The following GRIK4 variants were observed in gnomAD, a reference collection of about 807,000 sequenced individuals.
GRIK4 encodes glutamate ionotropic receptor kainate type subunit 4, also known as glutamate receptor ionotropic, kainate 4.
Under a neutral mutation model 104.9 loss-of-function variants are expected in GRIK4, and 40 were observed. That is an observed-to-expected ratio of 0.38 (90% confidence interval 0.30 to 0.50). The LOEUF (loss-of-function observed/expected upper bound fraction) is 0.50, where lower values mean the gene tolerates loss of function less well. Among genes scored for constraint, GRIK4 ranks in the 20% least tolerant of loss-of-function variants. The pLI is 0.93. For synonymous variants in GRIK4, 485 were observed against 524.9 expected, an observed-to-expected ratio of 0.92 and a Z score of 1.04; for missense variants, 1,047 against 1,308.1, an observed-to-expected ratio of 0.80 and a Z score of 3.08.
chr11:120,931,931 C>T (rs1235722933), intron 13 of GRIK4, among the ~76,000 whole-genome samples: 1 of 152,104 alleles, frequency 6.6e-6, no homozygotes, highest in African/African-American at 2.4e-5. Context: ...TTCCCACAGC[C>T]CCTGAAAAGC....
chr11:120,851,467 G>A (rs559769525), intron 8 of GRIK4, among the ~76,000 whole-genome samples: 9 of 152,108 alleles, frequency 5.9e-5, no homozygotes, highest in Non-Finnish European at 1.3e-4. Flanking sequence ...CACCTTATAC[G>A]TGCCATGCCG....
intron 13 of GRIK4, among the ~76,000 whole-genome samples, chr11:120,913,821 C>A (rs895235742): frequency 6.8e-6 from 1 of 146,414 alleles, no homozygotes; most frequent in South Asian, 2.2e-4. Flanking sequence ...GGCCTCAATT[C>A]ACTGGGAAGG....
chr11:120,554,565 C>CTTT (rs547467947), intron 1 of GRIK4, among the ~76,000 whole-genome samples: 11 of 146,124 alleles, frequency 7.5e-5, no homozygotes, highest in African/African-American at 2.7e-4. Flanking sequence ...TTTTCTTTTT[C>CTTT]TTTTTTTTTT....
Position 120,940,397 on chromosome 11 carries a change from G to A in GRIK4, c.1527G>A (p.Lys509=). The A allele has an allele frequency of 6.2e-7, 1 of 1,613,892 alleles. No homozygotes were observed. Reference sequence around the variant, plus strand: ...TCACCATTACAGCTGAACGGGAGAAGGTGATTGATTTCTCTAAGCCATTCA... The same window carrying A: ...TCACCATTACAGCTGAACGGGAGAAAGTGATTGATTTCTCTAAGCCATTCA... ...AGLTITAERE[K]VIDFSKPFMT... Residue 509 remains lysine, a synonymous_variant, in exon 14 of 21, where the codon AAG becomes AAA. Transcript: ENST00000527524. This position sits in a 1 kb window ranked among gnomAD's most constrained non-coding sequence, Gnocchi z 4.3.
At chr11:120,790,305 A>T (rs944068390) in intron 3 of GRIK4, among the ~76,000 whole-genome samples, 4 of 152,204 alleles carry the variant, frequency 2.6e-5, no homozygotes, top group Non-Finnish European at 5.9e-5. Flanking sequence ...TGCCTTACCC[A>T]TGTCAATTAG....
At chr11:120,795,365 G>A (rs926103694) in intron 3 of GRIK4, among the ~76,000 whole-genome samples, 15 of 152,162 alleles carry the variant, frequency 9.9e-5, no homozygotes, top group Admixed American at 7.9e-4. Flanking sequence ...AGCCCCGGGG[G>A]ACCCTGGAGG....
chr11:120,921,952 G>C (rs1241478643), intron 13 of GRIK4, among the ~76,000 whole-genome samples: 1 of 152,130 alleles, frequency 6.6e-6, no homozygotes, highest in Admixed American at 6.5e-5. Flanking sequence ...TTTCTTTCCT[G>C]AAGTATGTGT....
intron 13 of GRIK4, among the ~76,000 whole-genome samples, chr11:120,910,930 GAGA>G (rs1363122184): frequency 2.6e-5 from 4 of 152,216 alleles, no homozygotes; most frequent in Non-Finnish European, 5.9e-5. Context: ...GACACGGAGA[GAGA>G]AGAACATGCC....
chr11:120,599,103 G>T (rs1338277649), intron 1 of GRIK4, among the ~76,000 whole-genome samples: 2 of 152,194 alleles, frequency 1.3e-5, no homozygotes, highest in Non-Finnish European at 2.9e-5. Flanking sequence ...TGGAGAGGGG[G>T]CTTACTGAGC....
chr11:120,593,118 G>A (rs1008783443), intron 1 of GRIK4, among the ~76,000 whole-genome samples: 2 of 151,178 alleles, frequency 1.3e-5, no homozygotes, highest in Admixed American at 6.7e-5. Context: ...GGGAGGCAGA[G>A]GTTGTGGTGA....
At chr11:120,700,783 G>GC (rs1381184453) in intron 3 of GRIK4, among the ~76,000 whole-genome samples, 1 of 152,096 alleles carries the variant, frequency 6.6e-6, no homozygotes, top group Non-Finnish European at 1.5e-5. Context: ...GTAGAGACAG[G>GC]GTTTCACCAT....
Position 120,988,404 on chromosome 11 carries a change from T to C in GRIK4, c.*2144T>C, listed in dbSNP as rs1167016540. ...CGTGGTTCCTACTGTCAGATCACAT[T>C]TGGGGCGGGAAGGGTGGTTTTTTAA... On this transcript the variant is annotated 3_prime_UTR_variant, in exon 21 of 21. Transcript: ENST00000527524. 1 of 152,006 alleles carries C rather than the reference T, an allele frequency of 6.6e-6. No individual in the cohort carries two copies. Among genetic ancestry groups the C allele is most frequent in the African/African-American group, 2.4e-5 (1 of 41,284 alleles). 9.4% of individuals were successfully genotyped at this position (152,006 alleles called of 1,614,324 possible). A position where few individuals can be genotyped will look rare whatever the true frequency, so the allele number is the denominator to read the frequency against.
intron 1 of GRIK4, among the ~76,000 whole-genome samples, chr11:120,612,499 C>CAAA (rs11333522): frequency 6.8e-6 from 1 of 147,370 alleles, no homozygotes; most frequent in East Asian, 2.0e-4. Flanking sequence ...ACTTTTGAGG[C>CAAA]AAAAAAAAAA....
intron 4 of GRIK4, among the ~76,000 whole-genome samples, chr11:120,807,458 GC>G (rs555399557): frequency 2.0e-5 from 3 of 152,084 alleles, no homozygotes; most frequent in Non-Finnish European, 4.4e-5. Flanking sequence ...AACTAGAGGC[GC>G]CCTGGTTATC....
At chr11:120,645,623 T>C (rs1949532972) in intron 1 of GRIK4, among the ~76,000 whole-genome samples, 1 of 152,190 alleles carries the variant, frequency 6.6e-6, no homozygotes, top group Non-Finnish European at 1.5e-5. Flanking sequence ...GGAACATCAG[T>C]GTCCCTGTGC....
intron 11 of GRIK4, among the ~76,000 whole-genome samples, chr11:120,890,520 T>C (rs1046190588): frequency 1.3e-5 from 2 of 152,236 alleles, no homozygotes; most frequent in African/African-American, 2.4e-5. Flanking sequence ...GATACACCTG[T>C]CCTAACTCAA....
At chr11:120,564,493 G>A (rs1010289005) in intron 1 of GRIK4, 4 of 152,194 alleles carry the variant, frequency 2.6e-5, no homozygotes, top group African/African-American at 9.7e-5. Context: ...GCTGGGAAGG[G>A]TCTTAGGACC....
chr11:120,960,977 G>T lies in GRIK4; in HGVS notation c.1943G>T (p.Arg648Leu), dbSNP rs757609162. 6.2e-7 allele frequency: 1 copy of T among 1,613,968 alleles called. No individual in the cohort carries two copies. Among genetic ancestry groups the T allele is most frequent in the African/African-American group, 1.3e-5 (1 of 75,028 alleles). ...ANLAAFLTVQRMDVPIESVDD... is the reference protein window; with the variant it reads ...ANLAAFLTVQLMDVPIESVDD... ...CTGGCAGCCTTCCTGACCGTGCAGC[G>T]CATGGATGTGCCCATTGAGTCAGTG... Residue 648 changes from arginine (R) to leucine (L), a missense_variant, in exon 17 of 21, where the codon CGC (arginine) becomes CTC (leucine). Coordinates refer to ENST00000527524, the MANE Select transcript of GRIK4 (RefSeq NM_014619.5).
chr11:120,915,240 C>T (rs528944388), intron 13 of GRIK4, among the ~76,000 whole-genome samples: 28 of 152,174 alleles, frequency 1.8e-4, no homozygotes, highest in Admixed American at 1.4e-3. Flanking sequence ...GGGGCCAGCG[C>T]GCTGGACTGC....
Sources: allele counts gnomAD v4.1 joint callset (sites outside exome capture counted in the v4.1 genomes callset), GRCh38; gene constraint gnomAD v4.1.1; non-coding constraint Gnocchi (gnomAD v3.1); transcripts MANE v1.5; gene names NCBI Gene and HGNC (gene_info 2026-07-23, HGNC 2026-07-21).